ECT2L: variants seen among roughly 807,000 people sequenced by gnomAD.
ECT2L encodes the protein epithelial cell-transforming sequence 2 oncogene-like.
A neutral mutation model predicts 122.8 loss-of-function variants in ECT2L; 126 were observed. That is an observed-to-expected ratio of 1.03 (90% CI 0.89 to 1.19). The LOEUF is 1.19. Ranked by LOEUF, ECT2L falls within the 50% of genes most tolerant of loss-of-function variation. The pLI is 0.00. For synonymous variants in ECT2L, 385 were observed against 381.8 expected (o/e 1.01, Z -0.10); for missense variants, 1,012 against 1,064.1 (o/e 0.95, Z 0.68).
In ECT2L at chr6:138,881,191, T is replaced by G; in HGVS notation, c.1880+20T>G. The stretch of plus-strand genomic sequence containing the variant: ...CAACAGGTAAACCCTGAATATGTAT[T>G]TTTTTTAATATTCATTGTGCACTGA... On this transcript the variant is annotated intron_variant, in intron 15 of 21. Transcript: ENST00000541398. 2 of 1,601,988 alleles carry G rather than the reference T, an allele frequency of 1.2e-6. No individual in the cohort carries two copies. Among genetic ancestry groups the G allele is most frequent in the Admixed American group, 1.7e-5 (1 of 59,384 alleles).
chr6:138,887,037 G>A (rs540855959), intron 19 of ECT2L, 115 bp downstream of exon 19: 22 of 828,074 alleles, frequency 2.7e-5, no homozygotes, highest in South Asian at 1.9e-4. Context: ...TGCCTGCTAC[G>A]TGCCAGGCAC....
intron 1 of ECT2L, among the ~76,000 whole-genome samples, chr6:138,796,889 G>A (rs892617110): frequency 6.6e-6 from 1 of 152,202 alleles, no homozygotes; most frequent in Non-Finnish European, 1.5e-5. Flanking sequence ...ACTGACATTT[G>A]TGCTCCACAG....
chr6:138,871,435 T>C (rs142096054), intron 13 of ECT2L, among the ~76,000 whole-genome samples: 8 of 152,290 alleles, frequency 5.3e-5, no homozygotes, highest in African/African-American at 1.2e-4. Context: ...GGAGCAGACA[T>C]AGAGAACTGC....
intron 18 of ECT2L, among the ~76,000 whole-genome samples, chr6:138,886,571 C>T (rs759534208): frequency 2.6e-5 from 4 of 151,866 alleles, no homozygotes; most frequent in African/African-American, 9.7e-5. Context: ...CCATGCTTGG[C>T]TCTTTTTTTG....
intron 1 of ECT2L, among the ~76,000 whole-genome samples, chr6:138,805,655 G>A (rs576856742): frequency 1.3e-5 from 2 of 152,258 alleles, no homozygotes; most frequent in African/African-American, 4.8e-5. Context: ...GTGCTTTGAC[G>A]GGGGTGGCTG....
intron 6 of ECT2L, 95 bp downstream of exon 6, chr6:138,843,326 G>A (rs768838676): frequency 4.4e-5 from 56 of 1,267,786 alleles, no homozygotes; most frequent in Non-Finnish European, 5.5e-5. Flanking sequence ...CCTGTCTTTC[G>A]GAATACTCTG....
At chr6:138,832,161 T>C (rs2128384150) in intron 4 of ECT2L, among the ~76,000 whole-genome samples, 1 of 150,366 alleles carries the variant, frequency 6.7e-6, no homozygotes, top group African/African-American at 2.4e-5. Context: ...TCAAAAACTA[T>C]ATATTTTTTA....
chr6:138,835,476 C>A (rs547341493), intron 4 of ECT2L, among the ~76,000 whole-genome samples: 1 of 151,050 alleles, frequency 6.6e-6, no homozygotes, highest in Non-Finnish European at 1.5e-5. Flanking sequence ...TGCTTGAGGC[C>A]GGGAGGCAGA....
chr6:138,890,023 A>G (rs560186129), intron 20 of ECT2L, among the ~76,000 whole-genome samples: 2 of 152,350 alleles, frequency 1.3e-5, no homozygotes, highest in African/African-American at 4.8e-5. Context: ...ATATAAATGA[A>G]CAAACATGAC....
chr6:138,813,678 C>T (rs1483701297), intron 3 of ECT2L, among the ~76,000 whole-genome samples: 1 of 152,098 alleles, frequency 6.6e-6, no homozygotes, highest in Non-Finnish European at 1.5e-5. Flanking sequence ...TGCTTGTGTT[C>T]CTCTGTATTT....
intron 20 of ECT2L, among the ~76,000 whole-genome samples, chr6:138,900,499 G>GCCT (rs1358699561): frequency 1.3e-5 from 2 of 152,126 alleles, no homozygotes; most frequent in African/African-American, 2.4e-5. Flanking sequence ...GCCTGCCTTG[G>GCCT]CCTCCAAAGT....
chr6:138,831,322 T>C (rs1314995552), intron 4 of ECT2L, among the ~76,000 whole-genome samples: 1 of 152,272 alleles, frequency 6.6e-6, no homozygotes, highest in Non-Finnish European at 1.5e-5. Context: ...CATGTCATCA[T>C]GCCCCTGTTT....
rs752085969 is a variant in ECT2L at position 138,849,322 on chromosome 6, C to T, written c.957C>T (p.Ser319=). Residue 319 remains serine (S), a synonymous_variant, in exon 9 of 22, where the codon AGC becomes AGT. Coordinates refer to ENST00000541398, the MANE Select transcript of ECT2L (RefSeq NM_001077706.3). The part of the protein sequence containing the change: ...AGVVSVVYEH[S]VTLESLLYLI... Reference sequence around the variant, plus strand: ...TTGTTTCTGTGGTATATGAACACAGCGTAACCTTGGAAAGCCTTCTGTATC... The same window carrying T: ...TTGTTTCTGTGGTATATGAACACAGTGTAACCTTGGAAAGCCTTCTGTATC... The T allele has an allele frequency of 6.2e-6, 10 of 1,613,944 alleles. No individual in the cohort carries two copies. The highest frequency in any genetic ancestry group is 8.5e-6 in the Non-Finnish European group (10 of 1,179,970).
rs565268242 is a variant in ECT2L, at chr6:138,838,911, A to C, written c.342+397A>C. ...ACTCTCCCACCTCAGCCTCCTGAGT[A>C]GCTGGGATTACAGGCGCGTGCCACC... On this transcript the variant is annotated intron_variant, in intron 5 of 21. Coordinates refer to ENST00000541398, the MANE Select transcript of ECT2L (RefSeq NM_001077706.3). 8.5e-5 allele frequency among the ~76,000 whole-genome samples: 13 copies of C among 152,242 alleles called. No individual in the cohort carries two copies. In the South Asian group the frequency reaches 2.3e-3, roughly 27 times the overall value.
intron 8 of ECT2L, among the ~76,000 whole-genome samples, chr6:138,847,620 G>A (rs529620902): frequency 1.4e-3 from 208 of 147,328 alleles, no homozygotes; most frequent in East Asian, 4.1e-4. Context: ...CTCGTGATCC[G>A]CCTGCCTTGG....
intron 8 of ECT2L, among the ~76,000 whole-genome samples, chr6:138,848,246 G>A (rs995143000): frequency 6.6e-6 from 1 of 152,044 alleles, no homozygotes; most frequent in Non-Finnish European, 1.5e-5. Context: ...AATTTTTGTT[G>A]AATTGAATTT....
intron 20 of ECT2L, 92 bp from the exon 21 acceptor site, chr6:138,900,856 T>C: frequency 1.5e-6 from 2 of 1,360,062 alleles, no homozygotes; most frequent in Non-Finnish European, 2.0e-6. Context: ...GTAAAAGCCT[T>C]GACTAGTGAC....
At chr6:138,836,086 C>CG (rs1183863234) in intron 4 of ECT2L, among the ~76,000 whole-genome samples, 4 of 151,922 alleles carry the variant, frequency 2.6e-5, no homozygotes, top group African/African-American at 9.7e-5. Context: ...TGGATCGCGT[C>CG]GGGGGGCATA....
At chr6:138,814,905 A>G (rs991763079) in intron 4 of ECT2L, among the ~76,000 whole-genome samples, 4 of 152,208 alleles carry the variant, frequency 2.6e-5, no homozygotes, top group African/African-American at 4.8e-5. Flanking sequence ...CCTTGGAACC[A>G]TCAGACAGAC....
Sources: gnomAD v4.1 joint callset for allele counts (sites outside exome capture counted in the v4.1 genomes callset) on GRCh38, gnomAD v4.1.1 for gene constraint, MANE v1.5 for transcripts, NCBI Gene and HGNC (gene_info 2026-07-23, HGNC 2026-07-21) for gene names.